Variants in SEH1L observed in about 807,000 individuals in gnomAD.
The protein encoded by SEH1L is SEH1 like nucleoporin.
Under a neutral mutation model 49.5 loss-of-function variants are expected in SEH1L, and 18 were observed. That is an observed-to-expected ratio of 0.36 (90% confidence interval 0.25 to 0.54). SEH1L has a LOEUF of 0.54. Among genes scored for constraint, SEH1L ranks in the 20% least tolerant of loss-of-function variants. The probability of loss-of-function intolerance (pLI) is 0.87; values close to 1 mark genes in which losing one functional copy is unlikely to be tolerated. For synonymous variants in SEH1L, 169 were observed against 178.1 expected, an observed-to-expected ratio of 0.95 and a Z score of 0.41; for missense variants, 404 against 528.8, an observed-to-expected ratio of 0.76 and a Z score of 2.31.
Position 12,951,855 on chromosome 18 carries a change from G to T in SEH1L, c.112G>T (p.Val38Phe). 6.4e-7 allele frequency: 1 copy of T among 1,564,914 alleles called. No individual in the cohort carries two copies. The highest frequency in any genetic ancestry group is 2.3e-5 in the East Asian group (1 of 43,824). ...ATCSSDQSVK[V>F]WDKSESGDWH... Reference sequence around the variant, plus strand: ...ATATCTGCCTTTTATTTTCTTATAGGTCTGGGATAAAAGTGAAAGTGGTGA... The same window carrying T: ...ATATCTGCCTTTTATTTTCTTATAGTTCTGGGATAAAAGTGAAAGTGGTGA... Residue 38 changes from valine to phenylalanine, a missense_variant and splice_region_variant, in exon 2 of 9, where the codon GTC (valine) becomes TTC (phenylalanine). By Grantham distance (50) the Val-to-Phe change is conservative (BLOSUM62 -1). Coordinates refer to ENST00000399892, the MANE Select transcript of SEH1L (RefSeq NM_001013437.2).
chr18:12,964,785 G>A (rs1465876030), intron 4 of SEH1L, among the ~76,000 whole-genome samples: 6 of 150,876 alleles, frequency 4.0e-5, no homozygotes, highest in Admixed American at 6.6e-5. Flanking sequence ...ACAGGTGCCC[G>A]CCACCACATC....
At position 12,982,747 on chromosome 18, in the gene SEH1L, C is replaced by G. The variant is rs1284447164; in HGVS notation, c.919+72C>G. On this transcript the variant is annotated intron_variant, in intron 7 of 8. Coordinates refer to ENST00000399892, the MANE Select transcript of SEH1L (RefSeq NM_001013437.2). ...GCAATTTTTACTTAAAATGTAAACTCTGAAATATTTTTTGAAAATGGTCTT... is the reference window on the plus strand; with the variant it reads ...GCAATTTTTACTTAAAATGTAAACTGTGAAATATTTTTTGAAAATGGTCTT... 6.6e-6 allele frequency: 8 copies of G among 1,212,820 alleles called. No individual in the cohort carries two copies. In the African/African-American group the frequency reaches 1.2e-4, roughly 19 times the overall value. 75.1% of individuals were successfully genotyped at this position (1,212,820 alleles called of 1,614,324 possible).
intron 5 of SEH1L, among the ~76,000 whole-genome samples, chr18:12,974,849 G>A (rs1354727084): frequency 6.6e-6 from 1 of 152,188 alleles, no homozygotes; most frequent in African/African-American, 2.4e-5. Flanking sequence ...GACCAACAGA[G>A]TGAATGACTA....
intron 3 of SEH1L, among the ~76,000 whole-genome samples, chr18:12,958,469 C>G (rs1157328107): frequency 6.6e-6 from 1 of 152,158 alleles, no homozygotes; most frequent in African/African-American, 2.4e-5. Context: ...TATCTGTACT[C>G]AAAACTGTTC....
intron 8 of SEH1L, chr18:12,985,676 T>C: frequency 1.0e-6 from 1 of 959,964 alleles, no homozygotes; most frequent in Non-Finnish European, 1.2e-6. Flanking sequence ...TGATGAACTT[T>C]TATAATTTTA....
intron 6 of SEH1L, among the ~76,000 whole-genome samples, chr18:12,981,056 T>G (rs2032228369): frequency 1.3e-5 from 2 of 149,722 alleles, no homozygotes; most frequent in South Asian, 4.3e-4. Flanking sequence ...GGCTTCTCAC[T>G]TCTCAGACGG....
At chr18:12,969,315 G>A (rs1174890440) in intron 4 of SEH1L, among the ~76,000 whole-genome samples, 1 of 148,784 alleles carries the variant, frequency 6.7e-6, no homozygotes, top group Admixed American at 6.8e-5. Flanking sequence ...TGGAATCCCA[G>A]CTACTTGGGA....
At chr18:12,953,693 T>C (rs1275501053) in intron 2 of SEH1L, among the ~76,000 whole-genome samples, 1 of 152,228 alleles carries the variant, frequency 6.6e-6, no homozygotes, top group Non-Finnish European at 1.5e-5. Flanking sequence ...CTTATAAAAT[T>C]AATAATTTCA....
intron 4 of SEH1L, among the ~76,000 whole-genome samples, chr18:12,970,185 A>G (rs1225917508): frequency 3.3e-5 from 5 of 152,200 alleles, no homozygotes; most frequent in African/African-American, 9.6e-5. Flanking sequence ...TGCCAGGTTT[A>G]CAGAGATATT....
chr18:12,963,435 A>C (rs1042235200), intron 4 of SEH1L, 64 bp downstream of exon 4: 2 of 1,255,818 alleles, frequency 1.6e-6, no homozygotes, highest in Admixed American at 3.5e-5. Context: ...TTTTAAGCTA[A>C]CAATTTGATA....
At chr18:12,951,112 C>T (rs1288995887) in intron 1 of SEH1L, among the ~76,000 whole-genome samples, 1 of 152,154 alleles carries the variant, frequency 6.6e-6, no homozygotes, top group Non-Finnish European at 1.5e-5. Flanking sequence ...GTTTTGCAGT[C>T]ATTTGTGCAT....
At chr18:12,985,356 C>T in intron 8 of SEH1L, 1 of 1,529,128 alleles carries the variant, frequency 6.5e-7, no homozygotes, top group Non-Finnish European at 8.8e-7. Flanking sequence ...TTTGACCTCT[C>T]CCAAGATACA....
chr18:12,965,628 G>T (rs2031416050), intron 4 of SEH1L, among the ~76,000 whole-genome samples: 1 of 152,182 alleles, frequency 6.6e-6, no homozygotes, highest in South Asian at 2.1e-4. Context: ...TTTTAACTAG[G>T]TTTTATTAAC....
intron 5 of SEH1L, chr18:12,976,651 T>G (rs903438847): frequency 2.0e-5 from 3 of 152,108 alleles, no homozygotes; most frequent in Admixed American, 2.0e-4. Flanking sequence ...TTATAGGTAC[T>G]GAAACCATGG....
chr18:12,960,376 G>A (rs1474703590), intron 3 of SEH1L, among the ~76,000 whole-genome samples: 3 of 152,198 alleles, frequency 2.0e-5, no homozygotes, highest in African/African-American at 7.2e-5. Context: ...TTCTTGAAAA[G>A]ACCATTCTTT....
chr18:12,969,926 A>G (rs1214686020), intron 4 of SEH1L, among the ~76,000 whole-genome samples: 1 of 152,152 alleles, frequency 6.6e-6, no homozygotes, highest in Non-Finnish European at 1.5e-5. Context: ...GAAGTTTGTG[A>G]GACACAGAAA....
chr18:12,956,051 T>A (rs1013805315), intron 3 of SEH1L, among the ~76,000 whole-genome samples: 1 of 145,532 alleles, frequency 6.9e-6, no homozygotes. Flanking sequence ...ATAAAATTCT[T>A]TTTTTTTTTT....
chr18:12,986,905 TG>T lies in SEH1L; in HGVS notation c.1116del (p.Trp372CysfsTer16), dbSNP rs1471623070. Reference protein sequence around the residue: ...PLDSPRAGSRWSSYAQLLPPP... With the variant: ...PLDSPRAGSRXSSYAQLLPPP... Reference sequence around the variant, plus strand: ...GGATTCCCCACGGGCTGGATCGAGATGGTCCAGTTATGCCCAGCTCCTTCCT... The same window carrying T: ...GGATTCCCCACGGGCTGGATCGAGATGTCCAGTTATGCCCAGCTCCTTCCT... On this transcript the variant is annotated frameshift_variant, in exon 9 of 9. Transcript: ENST00000399892. LOFTEE classifies it high-confidence loss of function. The T allele has an allele frequency of 6.2e-7, 1 of 1,611,988 alleles. No homozygotes were observed. The highest frequency in any genetic ancestry group is 1.1e-5 in the South Asian group (1 of 90,924).
chr18:12,985,639 C>A, intron 8 of SEH1L: 1 of 993,018 alleles, frequency 1.0e-6, no homozygotes, highest in Non-Finnish European at 1.2e-6. Context: ...AGACATATTT[C>A]TTTTGCTTTC....
Sources: allele counts gnomAD v4.1 joint callset (sites outside exome capture counted in the v4.1 genomes callset), GRCh38; gene constraint gnomAD v4.1.1; transcripts MANE v1.5; gene names NCBI Gene and HGNC (gene_info 2026-07-23, HGNC 2026-07-21).